The following ELAVL4 variants were observed in gnomAD, a reference collection of about 807,000 sequenced individuals.
The protein encoded by ELAVL4 is ELAV like RNA binding protein 4.
Under a neutral mutation model 35.6 loss-of-function variants are expected in ELAVL4, and 1 was observed. The ratio of observed to expected loss-of-function variants is 0.03; its 90% confidence interval spans 0.01 to 0.13. The LOEUF is 0.13. ELAVL4 is among the 10% of genes least tolerant of loss of function. The pLI is 1.00. For missense variants in ELAVL4, 267 were observed against 464.9 expected (o/e 0.57, Z 3.91); for synonymous variants, 156 against 171.0 (o/e 0.91, Z 0.69).
chr1:50,053,240 C>T lies in ELAVL4; in HGVS notation c.18+5058C>T, dbSNP rs1317271413. Among the ~76,000 whole-genome samples the T allele has an allele frequency of 3.9e-5, 6 of 152,118 alleles. No homozygotes were observed. The South Asian group carries it at 8.3e-4, about 21-fold the overall frequency. ...AGTCTATTATATTTAAAATATAACA[C>T]CAAAATAGCTTCTTTTTGTACTTTT... On this transcript the variant is annotated intron_variant, in intron 1 of 6. Transcript: ENST00000448907.
intron 1 of ELAVL4, among the ~76,000 whole-genome samples, chr1:50,057,969 A>T (rs538826195): frequency 6.6e-6 from 1 of 152,358 alleles, no homozygotes; most frequent in Admixed American, 6.5e-5. Flanking sequence ...TTGGGTATAA[A>T]TTATGCAAGC....
intron 1 of ELAVL4, among the ~76,000 whole-genome samples, chr1:50,091,720 C>T (rs1665503567): frequency 6.6e-6 from 1 of 152,178 alleles, no homozygotes; most frequent in South Asian, 2.1e-4. Context: ...TAATGCTTTC[C>T]TTTTCCTGAA....
At chr1:50,195,900 G>A (rs1644026781) in intron 5 of ELAVL4, 114 bp downstream of exon 5, 1 of 1,222,526 alleles carries the variant, frequency 8.2e-7, no homozygotes, top group East Asian at 2.5e-5. Flanking sequence ...CCACCCCCAG[G>A]AATCACTGTG....
intron 1 of ELAVL4, chr1:50,109,651 TA>T (rs1341843449): frequency 1.5e-5 from 7 of 477,998 alleles, no homozygotes; most frequent in Non-Finnish European, 2.7e-5. Flanking sequence ...AGCTCCTGGA[TA>T]CTGAACACTG....
intron 1 of ELAVL4, among the ~76,000 whole-genome samples, chr1:50,064,743 A>AAC (rs981975630): frequency 1.3e-5 from 2 of 152,192 alleles, no homozygotes; most frequent in African/African-American, 2.4e-5. Flanking sequence ...GGATAGATCT[A>AAC]ACATACTTTT....
chr1:50,121,233 C>G (rs1668978987), intron 1 of ELAVL4, among the ~76,000 whole-genome samples: 1 of 151,918 alleles, frequency 6.6e-6, no homozygotes, highest in Non-Finnish European at 1.5e-5. Flanking sequence ...CCTTTCTGAC[C>G]TTCAGTCTCT....
In ELAVL4 at chr1:50,121,009, G is replaced by A. The variant is rs1224976471; in HGVS notation, c.9+11811G>A. ...ACTGGTCATCTGTTAGCCCTGGAGG[G>A]CATAGATCATGTCAAATCCTCTCTT... On this transcript the variant is annotated intron_variant, in intron 1 of 6. Coordinates refer to ENST00000371824, the MANE Select transcript of ELAVL4 (RefSeq NM_001144774.3). 3.4e-4 allele frequency among the ~76,000 whole-genome samples: 51 copies of A among 152,076 alleles called. 1 individual carries two copies. Among genetic ancestry groups the A allele is most frequent in the Non-Finnish European group, 5.9e-5 (4 of 67,974 alleles).
At chr1:50,123,817 A>C (rs1669439109) in intron 1 of ELAVL4, among the ~76,000 whole-genome samples, 1 of 152,118 alleles carries the variant, frequency 6.6e-6, no homozygotes, top group Non-Finnish European at 1.5e-5. Flanking sequence ...TCATGAGACA[A>C]ATAGGAGGCC....
intron 1 of ELAVL4, among the ~76,000 whole-genome samples, chr1:50,050,601 A>G (rs1663303697): frequency 6.6e-6 from 1 of 152,202 alleles, no homozygotes; most frequent in South Asian, 2.1e-4. Flanking sequence ...GGAAAGTTAG[A>G]GAAGGTGCTT....
intron 1 of ELAVL4, among the ~76,000 whole-genome samples, chr1:50,093,510 T>C (rs1043128271): frequency 2.6e-5 from 4 of 152,192 alleles, no homozygotes; most frequent in African/African-American, 9.7e-5. Flanking sequence ...TCAGGTAAAA[T>C]TGGTCATAGG....
At chr1:50,129,548 G>T (rs1379609845) in intron 1 of ELAVL4, among the ~76,000 whole-genome samples, 2 of 152,088 alleles carry the variant, frequency 1.3e-5, no homozygotes, top group African/African-American at 4.8e-5. Flanking sequence ...ACCAGAAATT[G>T]TGTTTGTAAG....
chr1:50,083,118 A>G (rs977185211), intron 1 of ELAVL4, among the ~76,000 whole-genome samples: 2 of 152,168 alleles, frequency 1.3e-5, no homozygotes, highest in Non-Finnish European at 2.9e-5. Context: ...GTGCATTGGC[A>G]TGATCATAAT....
chr1:50,106,779 G>T (rs1477212921), upstream of ELAVL4, among the ~76,000 whole-genome samples: 1 of 152,114 alleles, frequency 6.6e-6, no homozygotes, highest in Non-Finnish European at 1.5e-5. Flanking sequence ...TTGTGGAAAA[G>T]TGATCAATAT....
At position 50,081,536 on chromosome 1, in the gene ELAVL4, T is replaced by C. The variant is rs551739065; in HGVS notation, c.18+33354T>C. ...AGATTCTGATTCAGTGTGTCTGGGC[T>C]AGAGCCCAGGAATCTGCCTTTAATA... is the stretch of plus-strand genomic sequence containing the variant. On this transcript the variant is annotated intron_variant, in intron 1 of 6. Coordinates refer to the ELAVL4 transcript ENST00000448907. Among the ~76,000 whole-genome samples the C allele has an allele frequency of 6.8e-4, 103 of 152,376 alleles. 1 individual carries two copies. In the South Asian group the frequency reaches 0.02, roughly 30 times the overall value.
intron 1 of ELAVL4, among the ~76,000 whole-genome samples, chr1:50,056,467 A>G (rs570018888): frequency 2.6e-5 from 4 of 152,320 alleles, no homozygotes; most frequent in East Asian, 1.9e-4. Flanking sequence ...ACATCGTAGC[A>G]TAATACATTA....
intron 3 of ELAVL4, 26 bp downstream of exon 3, chr1:50,177,218 A>C (rs773009667): frequency 1.3e-6 from 2 of 1,556,312 alleles, no homozygotes; most frequent in East Asian, 4.5e-5. Flanking sequence ...CTGGCTCCTG[A>C]TTCAGGAGGC....
At chr1:50,146,976 A>G (rs1207455368) in intron 2 of ELAVL4, among the ~76,000 whole-genome samples, 9 of 152,066 alleles carry the variant, frequency 5.9e-5, no homozygotes, top group Admixed American at 5.9e-4. Flanking sequence ...CTAATTTGGT[A>G]GTTCACCGAG....
chr1:50,084,275 T>C (rs1665136914), intron 1 of ELAVL4, among the ~76,000 whole-genome samples: 1 of 152,192 alleles, frequency 6.6e-6, no homozygotes, highest in Non-Finnish European at 1.5e-5. Context: ...GTGTCAACTC[T>C]GTTGTAGGGT....
In ELAVL4 at chr1:50,194,624, T is replaced by G. The variant is rs571407625; in HGVS notation, c.508+706T>G. ...ACAGAAGTCTGCTCTGCCCTAGACA[T>G]TGTGCAGAGGGACCCTGGAGACCAA... On this transcript the variant is annotated intron_variant, in intron 4 of 6. Coordinates refer to ENST00000371824, the MANE Select transcript of ELAVL4 (RefSeq NM_001144774.3). Among the ~76,000 whole-genome samples, 276 of 152,282 alleles carry G rather than the reference T, an allele frequency of 1.8e-3. 1 individual carries two copies. Among genetic ancestry groups the G allele is most frequent in the Admixed American group, 3.4e-3 (52 of 15,306 alleles).
Sources: allele counts gnomAD v4.1 joint callset (sites outside exome capture counted in the v4.1 genomes callset), GRCh38; gene constraint gnomAD v4.1.1; transcripts MANE v1.5; gene names NCBI Gene and HGNC (gene_info 2026-07-23, HGNC 2026-07-21).